The following DCHS2 variants were observed in gnomAD, a reference collection of about 807,000 sequenced individuals.
The protein encoded by DCHS2 is protocadherin-23.
DCHS2 carries 142 observed loss-of-function variants against 182.4 expected under a neutral mutation model. The observed-to-expected ratio is 0.78, with a 90% CI of 0.68 to 0.89. The LOEUF (loss-of-function observed/expected upper bound fraction) is 0.89. Ranked by LOEUF, DCHS2 falls within the 40% of genes least tolerant of loss-of-function variation. The probability of loss-of-function intolerance (pLI) is 0.00; values close to 1 mark genes in which losing one functional copy is unlikely to be tolerated. For synonymous variants in DCHS2, 1,740 were observed against 1,663.3 expected (o/e 1.05, Z -1.12); for missense variants, 4,319 against 4,198.6 (o/e 1.03, Z -0.79).
intron 1 of DCHS2, among the ~76,000 whole-genome samples, chr4:154,480,615 G>A (rs1735882744): frequency 6.6e-6 from 1 of 152,052 alleles, no homozygotes. Context: ...TGTCATCAAA[G>A]CAAGTATGCA....
At chr4:154,467,724 C>T (rs1165589704) in intron 1 of DCHS2, among the ~76,000 whole-genome samples, 16 of 152,078 alleles carry the variant, frequency 1.1e-4, no homozygotes, top group Admixed American at 9.8e-4. Context: ...AAAATTACAC[C>T]TAATGGCAAT....
chr4:154,401,354 A>G (rs1732171535), intron 1 of DCHS2, among the ~76,000 whole-genome samples: 1 of 152,174 alleles, frequency 6.6e-6, no homozygotes, highest in African/African-American at 2.4e-5. Context: ...GTCTTTTTGC[A>G]GACATGTTTT....
chr4:154,389,429 T>C (rs900329387), intron 1 of DCHS2, among the ~76,000 whole-genome samples: 7 of 150,098 alleles, frequency 4.7e-5, no homozygotes, highest in Non-Finnish European at 7.4e-5. Flanking sequence ...CAGGGGCTTG[T>C]TTGACATCCT....
intron 3 of DCHS2, among the ~76,000 whole-genome samples, chr4:154,361,209 C>G (rs1377415732): frequency 6.6e-6 from 1 of 152,118 alleles, no homozygotes; most frequent in African/African-American, 2.4e-5. Context: ...ATGACCAGCA[C>G]AAAAGCTTGA....
chr4:154,358,192 G>A (rs191383242), intron 3 of DCHS2, among the ~76,000 whole-genome samples: 118 of 152,186 alleles, frequency 7.8e-4, no homozygotes, highest in African/African-American at 2.8e-3. Context: ...CATTACAAAT[G>A]CTTAATAATT....
chr4:154,329,038 G>GAGAT (rs1736406697), intron 6 of DCHS2, among the ~76,000 whole-genome samples: 2 of 152,148 alleles, frequency 1.3e-5, no homozygotes, highest in South Asian at 4.1e-4. Flanking sequence ...TGAAAAAGAT[G>GAGAT]AGATAATATA....
At chr4:154,241,419 C>T (rs1731819930) in intron 17 of DCHS2, among the ~76,000 whole-genome samples, 1 of 152,042 alleles carries the variant, frequency 6.6e-6, no homozygotes, top group Non-Finnish European at 1.5e-5. Flanking sequence ...GTGAGGAAAG[C>T]AAATCTCAAA....
chr4:154,422,815 G>T (rs1430963592), intron 1 of DCHS2, among the ~76,000 whole-genome samples: 1 of 151,908 alleles, frequency 6.6e-6, no homozygotes, highest in African/African-American at 2.4e-5. Flanking sequence ...CACCCTTTCT[G>T]CCTGGAATTC....
At chr4:154,259,805 T>G in intron 14 of DCHS2, 49 bp from the exon 15 acceptor site, 1 of 1,501,366 alleles carries the variant, frequency 6.7e-7, no homozygotes, top group Non-Finnish European at 8.9e-7. Flanking sequence ...TTGTAGTTAT[T>G]CTTTTATTTT....
At chr4:154,357,347 G>C (rs1729920625) in intron 3 of DCHS2, 1 of 1,501,368 alleles carries the variant, frequency 6.7e-7, no homozygotes. Context: ...AAGGAGCCAG[G>C]CTGGTGGGAG....
At chr4:154,259,517 C>A (rs771510336) in intron 15 of DCHS2, 28 bp downstream of exon 15, 10 of 1,610,184 alleles carry the variant, frequency 6.2e-6, no homozygotes, top group Non-Finnish European at 8.5e-6. Flanking sequence ...CACACACACA[C>A]ACACACACAC....
intron 14 of DCHS2, 55 bp downstream of exon 14, chr4:154,269,845 A>G (rs1481129931): frequency 6.4e-7 from 1 of 1,566,110 alleles, no homozygotes. Flanking sequence ...AATTTTGCAG[A>G]AATAACATTA....
chr4:154,257,164 C>T (rs1732725281), intron 15 of DCHS2, among the ~76,000 whole-genome samples: 4 of 152,146 alleles, frequency 2.6e-5, no homozygotes, highest in Admixed American at 2.6e-4. Context: ...AGGAGAATTG[C>T]TTGTACCTGG....
chr4:154,403,853 C>T (rs1380472478), intron 1 of DCHS2, among the ~76,000 whole-genome samples: 1 of 151,962 alleles, frequency 6.6e-6, no homozygotes, highest in African/African-American at 2.4e-5. Flanking sequence ...GTTATTTGTC[C>T]ATTTCATGTA....
In DCHS2 at chr4:154,326,882, T is replaced by C. The variant is rs140395323; in HGVS notation, c.4018+1211A>G. Among the ~76,000 whole-genome samples the C allele has an allele frequency of 5.1e-4, 77 of 152,280 alleles. 1 individual carries two copies. Among genetic ancestry groups the C allele is most frequent in the African/African-American group, 1.7e-3 (69 of 41,572 alleles). On this transcript the variant is annotated intron_variant, in intron 7 of 19. Coordinates refer to ENST00000357232, the MANE Select transcript of DCHS2 (RefSeq NM_001358235.2). ...CCTTGTCTTTTGCTTTTCCACATGA[T>C]GTTTAGAATCAGCTTGTCAAATTCT...
chr4:154,337,871 G>C (rs964980663), intron 3 of DCHS2, among the ~76,000 whole-genome samples: 9 of 152,062 alleles, frequency 5.9e-5, no homozygotes, highest in Non-Finnish European at 1.3e-4. Flanking sequence ...CTCCCGAGTA[G>C]CTGGGATTAC....
intron 1 of DCHS2, among the ~76,000 whole-genome samples, chr4:154,475,602 A>G (rs1735649357): frequency 1.3e-5 from 2 of 152,216 alleles, no homozygotes; most frequent in Admixed American, 1.3e-4. Context: ...AAGTAAATCA[A>G]GAAAATTAAC....
intron 12 of DCHS2, 29 bp from the exon 13 acceptor site, chr4:154,298,737 T>C (rs1233098319): frequency 6.5e-7 from 1 of 1,528,596 alleles, no homozygotes; most frequent in Admixed American, 2.2e-5. Flanking sequence ...ACAAATTCAT[T>C]TGAATTGAAA....
intron 14 of DCHS2, among the ~76,000 whole-genome samples, chr4:154,260,800 A>C (rs1335213377): frequency 1.3e-5 from 2 of 152,092 alleles, no homozygotes; most frequent in Non-Finnish European, 2.9e-5. Context: ...ACGTACCATC[A>C]TATCTCCAGT....
Sources: allele counts gnomAD v4.1 joint callset (sites outside exome capture counted in the v4.1 genomes callset), GRCh38; gene constraint gnomAD v4.1.1; transcripts MANE v1.5; gene names NCBI Gene and HGNC (gene_info 2026-07-23, HGNC 2026-07-21).